The following LRRC37A2 variants were observed in gnomAD, a reference collection of about 807,000 sequenced individuals.
LRRC37A2 encodes leucine rich repeat containing 37 member A2.
In LRRC37A2, 9 loss-of-function variants were observed where a neutral mutation model predicts 68.8. The observed-to-expected ratio is 0.13, with a 90% CI of 0.08 to 0.23. The LOEUF (loss-of-function observed/expected upper bound fraction) is 0.23. LRRC37A2 is among the 10% of genes least tolerant of loss of function. The pLI is 1.00. For synonymous variants in LRRC37A2, 63 were observed against 367.6 expected, an observed-to-expected ratio of 0.17 and a Z score of 9.48; for missense variants, 168 against 950.4, an observed-to-expected ratio of 0.18 and a Z score of 10.82.
the LRRC37A2 span, among the ~76,000 whole-genome samples, chr17:47,003,713 C>A: frequency 7.4e-6 from 1 of 135,818 alleles, no homozygotes; most frequent in African/African-American, 2.7e-5. Context: ...TCACTAAGGT[C>A]TATATTTGCC....
the LRRC37A2 span, chr17:46,923,948 G>A: frequency 3.5e-5 from 14 of 398,164 alleles, no homozygotes; most frequent in African/African-American, 8.2e-5. Flanking sequence ...TTGGAGGGAC[G>A]GAATTTTATG....
At chr17:46,896,113 C>T in the LRRC37A2 span, among the ~76,000 whole-genome samples, 5 of 151,584 alleles carry the variant, frequency 3.3e-5, no homozygotes, top group South Asian at 1.0e-3. Flanking sequence ...CCCGTCTCTA[C>T]TAAAAAAACC....
At chr17:46,795,847 GTC>G in the LRRC37A2 span, among the ~76,000 whole-genome samples, 1 of 152,068 alleles carries the variant, frequency 6.6e-6, no homozygotes, top group Non-Finnish European at 1.5e-5. Context: ...CTTGCTCTCT[GTC>G]TCTCTCTGTC....
At chr17:46,973,948 A>G in the LRRC37A2 span, among the ~76,000 whole-genome samples, 1 of 152,054 alleles carries the variant, frequency 6.6e-6, no homozygotes. Flanking sequence ...GCTTCTTTCC[A>G]TCTACTACTG....
the LRRC37A2 span, among the ~76,000 whole-genome samples, chr17:47,039,728 C>G: frequency 9.2e-6 from 1 of 108,404 alleles, no homozygotes; most frequent in African/African-American, 3.5e-5. Flanking sequence ...AAGTTTGGGG[C>G]CATTATTTCT....
At chr17:46,995,480 G>T in the LRRC37A2 span, among the ~76,000 whole-genome samples, 1 of 151,226 alleles carries the variant, frequency 6.6e-6, no homozygotes, top group Admixed American at 6.6e-5. Flanking sequence ...ACTCAGTTCT[G>T]GCCAAAAAAG....
chr17:46,919,673 C>T, the LRRC37A2 span, among the ~76,000 whole-genome samples: 19 of 152,252 alleles, frequency 1.2e-4, no homozygotes, highest in African/African-American at 2.4e-4. Flanking sequence ...CCTGGCCAGG[C>T]GCAGTGGCTC....
chr17:46,934,059 C>G, the LRRC37A2 span, among the ~76,000 whole-genome samples: 21 of 152,300 alleles, frequency 1.4e-4, no homozygotes, highest in Admixed American at 1.2e-3. Flanking sequence ...TGCCTATAGT[C>G]CACTTTCAGA....
At chr17:46,960,462 A>T in the LRRC37A2 span, among the ~76,000 whole-genome samples, 1 of 152,238 alleles carries the variant, frequency 6.6e-6, no homozygotes, top group South Asian at 2.1e-4. Context: ...TACAGAGCTA[A>T]GCGTGTGCTT....
chr17:46,846,505 C>T, the LRRC37A2 span, among the ~76,000 whole-genome samples: 15 of 152,272 alleles, frequency 9.9e-5, no homozygotes, highest in African/African-American at 3.6e-4. Context: ...GGCACTGGCA[C>T]AAAGTACAGT....
chr17:46,947,739 G>A, the LRRC37A2 span, among the ~76,000 whole-genome samples: 1 of 152,168 alleles, frequency 6.6e-6, no homozygotes. Context: ...AAAAGTGCCT[G>A]TATTTGAGAG....
At chr17:46,558,478 C>G (rs1453807656), downstream of LRRC37A2, among the ~76,000 whole-genome samples, 2 of 121,028 alleles carry the variant, frequency 1.7e-5, 1 homozygote, top group African/African-American at 6.7e-5. Context: ...CCTCTGCCTT[C>G]CAGGTTCAAG....
the LRRC37A2 span, chr17:46,876,175 T>G: frequency 7.0e-7 from 1 of 1,428,204 alleles, no homozygotes; most frequent in East Asian, 2.5e-5. Context: ...CTGGGGTTGG[T>G]GCTCTGGGGG....
At chr17:46,530,355 G>C (rs1323666837) in intron 6 of LRRC37A2, among the ~76,000 whole-genome samples, 2 of 141,896 alleles carry the variant, frequency 1.4e-5, no homozygotes, top group African/African-American at 5.3e-5. Context: ...TACTTAACCA[G>C]TCATGTGGCA....
the LRRC37A2 span, among the ~76,000 whole-genome samples, chr17:46,717,335 G>C: frequency 6.6e-6 from 1 of 152,250 alleles, no homozygotes; most frequent in Admixed American, 6.5e-5. Flanking sequence ...GTTATCAGAG[G>C]CTGGGAAGGG....
At chr17:46,995,343 A>G in the LRRC37A2 span, among the ~76,000 whole-genome samples, 1 of 152,208 alleles carries the variant, frequency 6.6e-6, no homozygotes, top group East Asian at 1.9e-4. Flanking sequence ...TTGTGTCATA[A>G]TTTGAGTCAC....
At chr17:46,851,925 C>G in the LRRC37A2 span, among the ~76,000 whole-genome samples, 2 of 152,198 alleles carry the variant, frequency 1.3e-5, no homozygotes, top group South Asian at 4.1e-4. This position sits in a 1 kb window ranked among gnomAD's most constrained non-coding sequence, Gnocchi z 4.3. Context: ...ATCCATCGCC[C>G]TGTTCAGTGT....
At chr17:46,923,905 G>A in the LRRC37A2 span, 1 of 398,394 alleles carries the variant, frequency 2.5e-6, no homozygotes, top group Non-Finnish European at 4.4e-6. Flanking sequence ...TATTTTTGGG[G>A]GCGGGGGGCA....
chr17:46,851,765 C>A, the LRRC37A2 span: 1 of 996,210 alleles, frequency 1.0e-6, no homozygotes, highest in Non-Finnish European at 1.3e-6. The surrounding 1 kb of genome is among the most constrained non-coding windows in gnomAD (Gnocchi z 4.3). Flanking sequence ...CCTGTCTCTC[C>A]CTCCTGCGCT....
Sources: allele counts gnomAD v4.1 joint callset (sites outside exome capture counted in the v4.1 genomes callset), GRCh38; gene constraint gnomAD v4.1.1; non-coding constraint Gnocchi (gnomAD v3.1); transcripts MANE v1.5; gene names NCBI Gene and HGNC (gene_info 2026-07-23, HGNC 2026-07-21).